CHRNA7: variants seen among roughly 807,000 people sequenced by gnomAD.
CHRNA7 encodes cholinergic receptor nicotinic alpha 7 subunit, also known as neuronal acetylcholine receptor subunit alpha-7.
A neutral mutation model predicts 48.0 loss-of-function variants in CHRNA7; 17 were observed. That is an observed-to-expected ratio of 0.35 (90% CI 0.24 to 0.53). CHRNA7 has a LOEUF of 0.53. Ranked by LOEUF, CHRNA7 falls within the 20% of genes least tolerant of loss-of-function variation. The probability of loss-of-function intolerance (pLI) is 0.92; values close to 1 mark genes in which losing one functional copy is unlikely to be tolerated. For synonymous variants in CHRNA7, 75 were observed against 242.3 expected (o/e 0.31, Z 6.41); for missense variants, 155 against 577.7 (o/e 0.27, Z 7.50).
intron 4 of CHRNA7, among the ~76,000 whole-genome samples, chr15:32,148,623 G>T (rs1029461569): frequency 6.6e-6 from 1 of 152,174 alleles, no homozygotes; most frequent in African/African-American, 2.4e-5. Context: ...TGCCCCATGG[G>T]CTCCCCCTGC....
chr15:32,071,867 T>C (rs2050063994), intron 2 of CHRNA7, among the ~76,000 whole-genome samples: 1 of 152,142 alleles, frequency 6.6e-6, no homozygotes, highest in Non-Finnish European at 1.5e-5. Context: ...CAGGTATTCC[T>C]TTATAGCAGC....
At chr15:32,053,961 C>A (rs1028067636) in intron 2 of CHRNA7, among the ~76,000 whole-genome samples, 2 of 152,090 alleles carry the variant, frequency 1.3e-5, no homozygotes, top group Non-Finnish European at 2.9e-5. Context: ...GTGAGAGATT[C>A]TCAGCATGGG....
chr15:32,168,766 GC>G lies in CHRNA7; in HGVS notation c.*309del. ...AAAGCCCTTCGGAGAGCTCCCCATG[GC>G]TCCTCACCACCGAGACAGTTGGTTT... On this transcript the variant is annotated 3_prime_UTR_variant, in exon 10 of 10. Coordinates refer to ENST00000306901, the MANE Select transcript of CHRNA7 (RefSeq NM_000746.6). 1.4e-4 allele frequency: 6 copies of G among 42,030 alleles called. No individual in the cohort carries two copies. The highest frequency in any genetic ancestry group is 2.8e-4 in the South Asian group (1 of 3,626). The allele number at this position is 42,030 out of a possible 1,614,324, so 2.6% of individuals were successfully genotyped here. A position where few individuals can be genotyped will look rare whatever the true frequency, so the allele number is the denominator to read the frequency against.
At chr15:32,077,407 C>T (rs888019793) in intron 2 of CHRNA7, among the ~76,000 whole-genome samples, 2 of 152,204 alleles carry the variant, frequency 1.3e-5, no homozygotes, top group African/African-American at 4.8e-5. Flanking sequence ...ATTTTCTGTT[C>T]TCACCAGCAA....
chr15:32,102,573 TATTATA>T (rs1346239609), intron 3 of CHRNA7: 4 of 64,256 alleles, frequency 6.2e-5, no homozygotes, highest in Non-Finnish European at 1.2e-4. Flanking sequence ...TTGTTATTGG[TATTATA>T]ATTCATCAAG....
At chr15:32,105,862 G>C (rs1366967459) in intron 3 of CHRNA7, among the ~76,000 whole-genome samples, 2 of 152,160 alleles carry the variant, frequency 1.3e-5, no homozygotes, top group East Asian at 3.8e-4. Flanking sequence ...TCTCCCAACT[G>C]AATTTTTAAG....
intron 2 of CHRNA7, among the ~76,000 whole-genome samples, chr15:32,040,249 C>T (rs1295350224): frequency 1.3e-5 from 2 of 151,922 alleles, no homozygotes; most frequent in Non-Finnish European, 2.9e-5. Flanking sequence ...GAGTGATTGT[C>T]GATATAGTTG....
At chr15:32,119,889 G>T (rs940734437) in intron 4 of CHRNA7, among the ~76,000 whole-genome samples, 1 of 152,142 alleles carries the variant, frequency 6.6e-6, no homozygotes, top group African/African-American at 2.4e-5. Context: ...GAGCCCACCT[G>T]TCTGCACCAG....
intron 2 of CHRNA7, among the ~76,000 whole-genome samples, chr15:32,047,641 T>C (rs1566800937): frequency 6.6e-6 from 1 of 152,102 alleles, no homozygotes; most frequent in Non-Finnish European, 1.5e-5. Flanking sequence ...ACTTCCTCTT[T>C]TCCTAATTGA....
At position 32,051,448 on chromosome 15, in the gene CHRNA7, C is replaced by T. The variant is rs181457981; in HGVS notation, c.195+20411C>T. Among the ~76,000 whole-genome samples, 414 of 152,284 alleles carry T rather than the reference C, an allele frequency of 2.7e-3. 6 individuals are homozygous for T. The East Asian group carries it at 0.042, about 15-fold the overall frequency. ...GAGACTCCATGGGCGTAGGACCCTC[C>T]GAGCCATGTGCGGGATATAATCTCC... On this transcript the variant is annotated intron_variant, in intron 2 of 9. Coordinates refer to ENST00000306901, the MANE Select transcript of CHRNA7 (RefSeq NM_000746.6).
chr15:32,065,727 C>G (rs540990846), intron 2 of CHRNA7, among the ~76,000 whole-genome samples: 1 of 151,410 alleles, frequency 6.6e-6, no homozygotes, highest in African/African-American at 2.4e-5. Context: ...TGGCTGTGTG[C>G]GGAAGGTGTG....
chr15:32,139,985 A>C (rs2051347682), intron 4 of CHRNA7, among the ~76,000 whole-genome samples: 1 of 152,072 alleles, frequency 6.6e-6, no homozygotes. Context: ...GGTTTGTTAC[A>C]TTAGGTGTAC....
rs2052278069 is a variant in CHRNA7 at position 32,168,123 on chromosome 15, CTGG to C, written c.1175_1177del (p.Leu392_Asp393delinsHis). 3 of 1,604,214 alleles carry C rather than the reference CTGG, an allele frequency of 1.9e-6. No homozygotes were observed. The highest frequency in any genetic ancestry group is 8.5e-7 in the Non-Finnish European group (1 of 1,176,620). On this transcript the variant is annotated inframe_deletion, in exon 10 of 10. Transcript: ENST00000306901. Reference sequence around the variant, plus strand: ...CCTGCTGTACATCGGCTTCCGCGGCCTGGACGGCGTGCACTGTGTCCCGACCCC... The same window carrying C: ...CCTGCTGTACATCGGCTTCCGCGGCCACGGCGTGCACTGTGTCCCGACCCC...
At chr15:32,090,228 T>A (rs2050361943) in intron 2 of CHRNA7, among the ~76,000 whole-genome samples, 1 of 152,196 alleles carries the variant, frequency 6.6e-6, no homozygotes, top group Non-Finnish European at 1.5e-5. Flanking sequence ...CTAGCAGGGA[T>A]AAGCTCTGAG....
At chr15:32,033,567 C>T (rs1474892826) in intron 2 of CHRNA7, among the ~76,000 whole-genome samples, 1 of 152,198 alleles carries the variant, frequency 6.6e-6, no homozygotes, top group East Asian at 1.9e-4. Flanking sequence ...ATGTGACTTT[C>T]CTGAGATCCT....
chr15:32,056,350 T>C (rs1002430708), intron 2 of CHRNA7, among the ~76,000 whole-genome samples: 8 of 152,206 alleles, frequency 5.3e-5, no homozygotes, highest in African/African-American at 1.7e-4. Context: ...AGAATTGATT[T>C]TTGTGTATAA....
chr15:32,054,728 G>A (rs1177599688), intron 2 of CHRNA7, among the ~76,000 whole-genome samples: 2 of 152,210 alleles, frequency 1.3e-5, no homozygotes, highest in Admixed American at 1.3e-4. Flanking sequence ...AGCCACCCAA[G>A]TTGTTGTCTG....
rs189455471 is a variant in CHRNA7, at chr15:32,149,910, A to G, written c.351-3997A>G. On this transcript the variant is annotated intron_variant, in intron 4 of 9. Transcript: ENST00000306901. This position sits in a 1 kb window ranked among gnomAD's most constrained non-coding sequence, Gnocchi z 4.6. ...CAGAGTTGAATCACTGATCTAACAG[A>G]TGCTCAGTCTTGATTATAAATATGA... Among the ~76,000 whole-genome samples the G allele has an allele frequency of 3.0e-4, 45 of 152,186 alleles. No homozygotes were observed. Among genetic ancestry groups the G allele is most frequent in the African/African-American group, 1.1e-3 (44 of 41,504 alleles).
At chr15:32,122,573 A>G (rs2050990280) in intron 4 of CHRNA7, among the ~76,000 whole-genome samples, 1 of 152,110 alleles carries the variant, frequency 6.6e-6, no homozygotes, top group Non-Finnish European at 1.5e-5. Flanking sequence ...CCAGGAGACT[A>G]TCCATTTATT....
Sources: allele counts gnomAD v4.1 joint callset (sites outside exome capture counted in the v4.1 genomes callset), GRCh38; gene constraint gnomAD v4.1.1; non-coding constraint Gnocchi (gnomAD v3.1); transcripts MANE v1.5; gene names NCBI Gene and HGNC (gene_info 2026-07-23, HGNC 2026-07-21).